NUP98: variants seen among roughly 807,000 people sequenced by gnomAD.
NUP98 encodes the protein nuclear pore complex protein Nup98-Nup96.
Under a neutral mutation model 191.9 loss-of-function variants are expected in NUP98, and 26 were observed. The observed-to-expected ratio is 0.14, with a 90% confidence interval of 0.10 to 0.19. The LOEUF is 0.19. NUP98 is among the 10% of genes least tolerant of loss of function. The pLI, the probability that NUP98 is intolerant of heterozygous loss-of-function variation, is 1.00. For synonymous variants in NUP98, 808 were observed against 778.4 expected (o/e 1.04, Z -0.63); for missense variants, 1,941 against 2,178.8 (o/e 0.89, Z 2.17).
chr11:3,747,366 C>T (rs2080546159), intron 11 of NUP98, among the ~76,000 whole-genome samples: 1 of 152,152 alleles, frequency 6.6e-6, no homozygotes, highest in South Asian at 2.1e-4. Flanking sequence ...CTTAGTATTA[C>T]AATCAACCTT....
chr11:3,741,952 T>C (rs1193715081), intron 12 of NUP98, among the ~76,000 whole-genome samples: 1 of 152,198 alleles, frequency 6.6e-6, no homozygotes, highest in Non-Finnish European at 1.5e-5. Context: ...AAGGTTAGCC[T>C]TCATATTACA....
chr11:3,708,273 G>T (rs1164930447), intron 20 of NUP98, among the ~76,000 whole-genome samples: 1 of 152,078 alleles, frequency 6.6e-6, no homozygotes, highest in Admixed American at 6.6e-5. Flanking sequence ...AAAAAGATAA[G>T]GAGAGTGAGT....
chr11:3,685,581 C>A (rs949171480), intron 29 of NUP98, among the ~76,000 whole-genome samples: 3 of 152,306 alleles, frequency 2.0e-5, no homozygotes, highest in African/African-American at 7.2e-5. Flanking sequence ...TTGGCCCAGG[C>A]ATAATGCTAT....
intron 31 of NUP98, chr11:3,679,344 T>C (rs536534758): frequency 1.5e-6 from 1 of 669,988 alleles, no homozygotes; most frequent in African/African-American, 1.8e-5. Flanking sequence ...TTGCACATAC[T>C]AGTTGGTAAT....
rs372317749 is a variant in NUP98 at position 3,679,400 on chromosome 11, G to T, written c.5073+154C>A. On this transcript the variant is annotated intron_variant, in intron 31 of 32. Transcript: ENST00000324932. ...AAGTTTCGATATAGCTGTCAGAAAC[G>T]GTTATATCAAATGAGCCTCAGCAAG... 4 of 883,696 alleles carry T rather than the reference G, an allele frequency of 4.5e-6. No individual in the cohort carries two copies. The African/African-American group carries it at 4.9e-5, about 11-fold the overall frequency. 54.7% of individuals were successfully genotyped at this position (883,696 alleles called of 1,614,324 possible).
intron 1 of NUP98, among the ~76,000 whole-genome samples, chr11:3,783,476 A>G (rs1337905314): frequency 6.6e-6 from 1 of 152,114 alleles, no homozygotes; most frequent in African/African-American, 2.4e-5. Flanking sequence ...AGGCGGGTGG[A>G]TCACCTGAGC....
chr11:3,756,846 G>A (rs566894235), intron 10 of NUP98, among the ~76,000 whole-genome samples: 24 of 151,878 alleles, frequency 1.6e-4, no homozygotes, highest in African/African-American at 4.3e-4. Flanking sequence ...CCAACCTTTT[G>A]GGAGGCCGAG....
chr11:3,793,435 G>A (rs1439691737), intron 1 of NUP98, among the ~76,000 whole-genome samples: 4 of 151,738 alleles, frequency 2.6e-5, no homozygotes, highest in South Asian at 4.2e-4. Context: ...CTACAGGTGC[G>A]TGTCACTGTG....
intron 28 of NUP98, 93 bp downstream of exon 28, chr11:3,691,254 T>C (rs140942129): frequency 3.6e-6 from 5 of 1,376,266 alleles, no homozygotes; most frequent in Non-Finnish European, 5.1e-6. Context: ...CTTACAGCAA[T>C]CTGGGGACAT....
At chr11:3,756,046 T>C (rs2080948328) in intron 10 of NUP98, among the ~76,000 whole-genome samples, 1 of 152,214 alleles carries the variant, frequency 6.6e-6, no homozygotes, top group Admixed American at 6.5e-5. Context: ...TCATTGAATC[T>C]CTTCTTTAAT....
intron 14 of NUP98, among the ~76,000 whole-genome samples, chr11:3,726,798 T>C (rs1430106126): frequency 6.6e-6 from 1 of 151,918 alleles, no homozygotes; most frequent in African/African-American, 2.4e-5. Context: ...TTTTTTTTTT[T>C]TGAGACAGGC....
At chr11:3,711,792 C>G in intron 20 of NUP98, 2 of 942,900 alleles carry the variant, frequency 2.1e-6, no homozygotes, top group Non-Finnish European at 2.6e-6. Flanking sequence ...ACCCTCCCCT[C>G]CCCTGTACGC....
At chr11:3,701,212 T>C (rs2078665912) in intron 23 of NUP98, among the ~76,000 whole-genome samples, 1 of 152,052 alleles carries the variant, frequency 6.6e-6, no homozygotes, top group South Asian at 2.1e-4. Flanking sequence ...AAAGAACTGA[T>C]TCTAAATTAC....
At chr11:3,753,292 G>C (rs1328247210) in intron 11 of NUP98, 24 bp downstream of exon 11, 1 of 1,567,408 alleles carries the variant, frequency 6.4e-7, no homozygotes, top group South Asian at 1.1e-5. Context: ...TCACTTCCTA[G>C]ATCTCATGGT....
chr11:3,760,498 A>G, intron 10 of NUP98, 41 bp downstream of exon 10: 1 of 1,614,104 alleles, frequency 6.2e-7, no homozygotes, highest in Non-Finnish European at 8.5e-7. Context: ...CAAAATTAGA[A>G]GTGTTTGTAT....
chr11:3,695,237 T>C (rs960479036), intron 26 of NUP98, among the ~76,000 whole-genome samples: 10 of 152,262 alleles, frequency 6.6e-5, no homozygotes, highest in Non-Finnish European at 8.8e-5. Context: ...CTATATGATA[T>C]GGGATATGAT....
intron 12 of NUP98, 146 bp from the exon 13 acceptor site, chr11:3,735,470 G>C (rs2080012926): frequency 5.7e-6 from 2 of 349,284 alleles, no homozygotes; most frequent in Non-Finnish European, 9.7e-6. Context: ...GGCAGAATGT[G>C]TGTAGAGCAA....
chr11:3,785,309 C>T (rs1564929727), intron 1 of NUP98, among the ~76,000 whole-genome samples: 1 of 152,136 alleles, frequency 6.6e-6, no homozygotes, highest in African/African-American at 2.4e-5. Flanking sequence ...TAGCAATTCC[C>T]TCTATCTATC....
chr11:3,738,578 G>A (rs2080161230), intron 12 of NUP98, among the ~76,000 whole-genome samples: 1 of 151,958 alleles, frequency 6.6e-6, no homozygotes, highest in Non-Finnish European at 1.5e-5. Flanking sequence ...AGGACTTCAA[G>A]AATAGCCTGG....
Sources: gnomAD v4.1 joint callset for allele counts (sites outside exome capture counted in the v4.1 genomes callset) on GRCh38, gnomAD v4.1.1 for gene constraint, MANE v1.5 for transcripts, NCBI Gene and HGNC (gene_info 2026-07-23, HGNC 2026-07-21) for gene names.